Variants in PRR11 observed in about 807,000 individuals in gnomAD.
PRR11 encodes proline rich 11, also known as proline-rich protein 11.
PRR11 carries 30 observed loss-of-function variants against 45.6 expected under a neutral mutation model. That is an observed-to-expected ratio of 0.66 (90% CI 0.49 to 0.89). PRR11 has a LOEUF of 0.89. PRR11 is among the 40% of genes least tolerant of loss of function. The pLI is 0.00. For missense variants in PRR11, 373 were observed against 424.8 expected, an observed-to-expected ratio of 0.88 and a Z score of 1.07; for synonymous variants, 128 against 153.5, an observed-to-expected ratio of 0.83 and a Z score of 1.23.
In PRR11 at chr17:59,200,793, G is replaced by GT. The variant is rs534007057; in HGVS notation, c.1015-763dup. ...AGGCGTGAGCCACCGGGCCCAGCCT[G>GT]TTTTTTTAAAATTTATAGACGAAGT... is the stretch of plus-strand genomic sequence containing the variant. On this transcript the variant is annotated intron_variant, in intron 9 of 9. Coordinates refer to ENST00000262293, the MANE Select transcript of PRR11 (RefSeq NM_018304.4). 1.3e-4 allele frequency among the ~76,000 whole-genome samples: 19 copies of GT among 151,002 alleles called. No individual in the cohort carries two copies. In the East Asian group the frequency reaches 3.3e-3, roughly 26 times the overall value.
At chr17:59,161,623 C>T (rs1041036225) in intron 1 of PRR11, among the ~76,000 whole-genome samples, 1 of 152,070 alleles carries the variant, frequency 6.6e-6, no homozygotes, top group Non-Finnish European at 1.5e-5. Flanking sequence ...GTGGTACGCC[C>T]TTGTAGTTCC....
chr17:59,189,586 G>A (rs749694875), intron 4 of PRR11, among the ~76,000 whole-genome samples: 4 of 151,828 alleles, frequency 2.6e-5, no homozygotes, highest in African/African-American at 4.8e-5. Flanking sequence ...TGCCTGCCTC[G>A]GCCTCCCAAA....
At chr17:59,174,972 T>A (rs2046735571) in intron 2 of PRR11, 1 of 794,062 alleles carries the variant, frequency 1.3e-6, no homozygotes, top group Non-Finnish European at 2.0e-6. Flanking sequence ...CTCCAACTAC[T>A]CCAGGGAAAC....
chr17:59,168,132 A>G (rs2046688688), intron 1 of PRR11, among the ~76,000 whole-genome samples: 1 of 150,518 alleles, frequency 6.6e-6, no homozygotes, highest in Middle Eastern at 3.4e-3. Context: ...CCTCTGTTCT[A>G]CTAGGTAATG....
chr17:59,164,735 C>T (rs2046670700), intron 1 of PRR11, among the ~76,000 whole-genome samples: 1 of 151,892 alleles, frequency 6.6e-6, no homozygotes, highest in East Asian at 2.0e-4. Flanking sequence ...AAAAATTAGC[C>T]GGGCATGGTG....
At chr17:59,176,684 C>CT (rs71367676) in intron 2 of PRR11, among the ~76,000 whole-genome samples, 1,004 of 39,016 alleles carry the variant, frequency 0.026, 310 homozygotes, top group Non-Finnish European at 0.031. Flanking sequence ...GTTTTTTTGG[C>CT]TTTTTTTTTT....
intron 4 of PRR11, among the ~76,000 whole-genome samples, chr17:59,185,919 CCA>C (rs2046811848): frequency 6.6e-6 from 1 of 152,062 alleles, no homozygotes; most frequent in South Asian, 2.1e-4. Flanking sequence ...GATATATTGT[CCA>C]GATTGGTCAG....
chr17:59,173,735 C>T (rs1372692139), intron 2 of PRR11, among the ~76,000 whole-genome samples: 1 of 152,200 alleles, frequency 6.6e-6, no homozygotes, highest in East Asian at 1.9e-4. Context: ...CAATTCCAGA[C>T]ACAGAAGTAC....
At position 59,195,371 on chromosome 17, in the gene PRR11, T is replaced by C; in HGVS notation, c.785T>C (p.Val262Ala). The C allele has an allele frequency of 6.2e-7, 1 of 1,614,026 alleles. No homozygotes were observed. The highest frequency in any genetic ancestry group is 8.5e-7 in the Non-Finnish European group (1 of 1,179,918). ...AAAGCACGGAATCCACTAGTTACCG[T>C]CTCTGACTTGCAGCATGTTACCCTG... ...SPKARNPLVTVSDLQHVTLKP... is the reference protein window; with the variant it reads ...SPKARNPLVTASDLQHVTLKP... Residue 262 changes from valine (V) to alanine (A), a missense_variant, in exon 7 of 10, where the codon GTC becomes GCC. By Grantham distance (64) the Val-to-Ala change is moderately conservative (BLOSUM62 0). Transcript: ENST00000262293.
chr17:59,189,938 C>A (rs1340299661), intron 4 of PRR11, among the ~76,000 whole-genome samples: 8 of 151,802 alleles, frequency 5.3e-5, no homozygotes, highest in Non-Finnish European at 1.0e-4. Flanking sequence ...CAGCCCACTG[C>A]ATTCTAGCCT....
At chr17:59,173,013 T>C (rs1387804152) in intron 2 of PRR11, among the ~76,000 whole-genome samples, 2 of 152,244 alleles carry the variant, frequency 1.3e-5, no homozygotes, top group Non-Finnish European at 2.9e-5. Flanking sequence ...AGAATATTTA[T>C]GTCTAGCTAA....
At chr17:59,169,093 C>CTTTTTTTTTTTTTT (rs780548478) in intron 1 of PRR11, among the ~76,000 whole-genome samples, 1 of 106,726 alleles carries the variant, frequency 9.4e-6, no homozygotes, top group Non-Finnish European at 1.9e-5. Context: ...GAAACATATT[C>CTTTTTTTTTTTTTT]TTTTTTTTTT....
At chr17:59,169,390 A>G (rs1213961926) in intron 1 of PRR11, among the ~76,000 whole-genome samples, 1 of 151,972 alleles carries the variant, frequency 6.6e-6, no homozygotes, top group Non-Finnish European at 1.5e-5. Flanking sequence ...GAGCCACCAC[A>G]CCTGGCCAAC....
intron 4 of PRR11, among the ~76,000 whole-genome samples, chr17:59,193,265 T>C (rs1218012795): frequency 1.3e-5 from 2 of 152,120 alleles, no homozygotes; most frequent in East Asian, 1.9e-4. Context: ...CTCCATGAGG[T>C]GACACACAGG....
chr17:59,197,971 C>A (rs1213090975), intron 9 of PRR11, 182 bp downstream of exon 9: 1 of 582,872 alleles, frequency 1.7e-6, no homozygotes, highest in South Asian at 2.1e-5. Flanking sequence ...AAAAATTAGC[C>A]AGGCGTGGTG....
intron 1 of PRR11, among the ~76,000 whole-genome samples, chr17:59,156,417 A>C (rs1465198343): frequency 1.3e-5 from 2 of 152,096 alleles, no homozygotes; most frequent in Admixed American, 1.3e-4. Context: ...AAAAAAAAAA[A>C]AGCATAAAAC....
At chr17:59,188,286 A>C (rs1171458512) in intron 4 of PRR11, among the ~76,000 whole-genome samples, 2 of 152,306 alleles carry the variant, frequency 1.3e-5, no homozygotes, top group East Asian at 3.9e-4. Context: ...CAAATCAAAG[A>C]CCAAAAGTTT....
At chr17:59,183,653 A>G (rs1422278820) in intron 2 of PRR11, among the ~76,000 whole-genome samples, 1 of 152,210 alleles carries the variant, frequency 6.6e-6, no homozygotes, top group East Asian at 1.9e-4. Context: ...CAGGGAGTCC[A>G]TGGATTACCT....
chr17:59,181,147 G>A (rs1275259630), intron 2 of PRR11, among the ~76,000 whole-genome samples: 2 of 151,406 alleles, frequency 1.3e-5, no homozygotes, highest in African/African-American at 2.4e-5. Context: ...CCACCACCAC[G>A]CCCAGCTAAT....
Sources: allele counts gnomAD v4.1 joint callset (sites outside exome capture counted in the v4.1 genomes callset), GRCh38; gene constraint gnomAD v4.1.1; transcripts MANE v1.5; gene names NCBI Gene and HGNC (gene_info 2026-07-23, HGNC 2026-07-21).